Variants in NLGN1 observed in about 807,000 individuals in gnomAD.
The protein encoded by NLGN1 is neuroligin 1.
In NLGN1, 12 loss-of-function variants were observed where a neutral mutation model predicts 65.5. That is an observed-to-expected ratio of 0.18 (90% CI 0.12 to 0.30). The LOEUF (loss-of-function observed/expected upper bound fraction) is 0.30. NLGN1 is among the 10% of genes least tolerant of loss of function. The probability of loss-of-function intolerance (pLI) is 1.00; values close to 1 mark genes in which losing one functional copy is unlikely to be tolerated. For synonymous variants in NLGN1, 350 were observed against 359.5 expected (o/e 0.97, Z 0.30); for missense variants, 750 against 1,007.1 (o/e 0.74, Z 3.46).
intron 3 of NLGN1, among the ~76,000 whole-genome samples, chr3:173,657,894 A>G (rs1241008204): frequency 4.6e-5 from 7 of 151,772 alleles, no homozygotes. Context: ...TTTTTTTCAT[A>G]TAAAATCTGA....
chr3:173,461,852 A>G (rs1723454082), intron 2 of NLGN1, among the ~76,000 whole-genome samples: 1 of 152,066 alleles, frequency 6.6e-6, no homozygotes, highest in South Asian at 2.1e-4. Context: ...ATGTCTTACT[A>G]CTTAGTAGCT....
rs528247184 is a variant in NLGN1 at position 174,091,560 on chromosome 3, G to T, written c.647-183755G>T. 3.9e-5 allele frequency among the ~76,000 whole-genome samples: 6 copies of T among 152,280 alleles called. No homozygotes were observed. In the South Asian group the frequency reaches 1.0e-3, roughly 26 times the overall value. On this transcript the variant is annotated intron_variant, in intron 4 of 6. Transcript: ENST00000457714. ...TCATTCACAACAAATTAACGAAGAG[G>T]TCATGCTGCAGCTACCATGATTTTT... is the stretch of plus-strand genomic sequence containing the variant.
chr3:173,542,995 G>A (rs551538699), intron 2 of NLGN1, among the ~76,000 whole-genome samples: 102 of 152,162 alleles, frequency 6.7e-4, no homozygotes, highest in Admixed American at 2.2e-3. Context: ...TTATTTCACA[G>A]TAGGTGGTGT....
At chr3:173,868,765 A>G (rs1053255528) in intron 4 of NLGN1, among the ~76,000 whole-genome samples, 1 of 152,166 alleles carries the variant, frequency 6.6e-6, no homozygotes, top group African/African-American at 2.4e-5. Flanking sequence ...TCAGTAGGTC[A>G]TAGGATGCAA....
At chr3:174,224,666 G>A (rs1335149544) in intron 4 of NLGN1, among the ~76,000 whole-genome samples, 2 of 152,034 alleles carry the variant, frequency 1.3e-5, no homozygotes, top group Non-Finnish European at 2.9e-5. Flanking sequence ...GCCATTGCAC[G>A]CCAGCCTGGG....
intron 4 of NLGN1, among the ~76,000 whole-genome samples, chr3:174,036,952 A>G (rs1731269558): frequency 2.0e-5 from 3 of 152,158 alleles, no homozygotes; most frequent in Admixed American, 1.3e-4. Flanking sequence ...TTATGTCTGC[A>G]TAGTATTCTA....
chr3:173,668,619 CTTTTTTT>C (rs34649854), intron 3 of NLGN1, among the ~76,000 whole-genome samples: 1 of 132,748 alleles, frequency 7.5e-6, no homozygotes, highest in African/African-American at 2.8e-5. Context: ...CTTTTCTTTT[CTTTTTTT>C]TTTTTTTTTT....
intron 2 of NLGN1, among the ~76,000 whole-genome samples, chr3:173,581,241 T>C (rs2149362896): frequency 6.6e-6 from 1 of 152,166 alleles, no homozygotes; most frequent in African/African-American, 2.4e-5. Flanking sequence ...TTTCTAATAT[T>C]TGGTATCTCT....
chr3:173,667,363 A>G (rs778308106), intron 3 of NLGN1, among the ~76,000 whole-genome samples: 6 of 152,110 alleles, frequency 3.9e-5, no homozygotes, highest in Non-Finnish European at 7.4e-5. Context: ...CTTTTTTAAA[A>G]CATTTTTTAA....
intron 4 of NLGN1, among the ~76,000 whole-genome samples, chr3:173,932,250 C>T (rs1013143412): frequency 6.6e-6 from 1 of 151,978 alleles, no homozygotes; most frequent in Non-Finnish European, 1.5e-5. Context: ...AAAAATGGTA[C>T]TGTTTCAAAT....
At chr3:173,596,281 A>T (rs1271755667) in intron 2 of NLGN1, among the ~76,000 whole-genome samples, 1 of 152,172 alleles carries the variant, frequency 6.6e-6, no homozygotes, top group Non-Finnish European at 1.5e-5. Context: ...CTGCAGAGAA[A>T]TGGGGAATAT....
At chr3:173,710,819 C>T (rs1335629355) in intron 3 of NLGN1, among the ~76,000 whole-genome samples, 2 of 152,092 alleles carry the variant, frequency 1.3e-5, no homozygotes, top group African/African-American at 2.4e-5. Flanking sequence ...AGTCAAGTAC[C>T]ATGCGAGAGT....
chr3:173,987,707 G>C (rs1720248643), intron 4 of NLGN1, among the ~76,000 whole-genome samples: 2 of 152,120 alleles, frequency 1.3e-5, no homozygotes, highest in African/African-American at 2.4e-5. Flanking sequence ...CTGTGCAAAG[G>C]CAATGCCTAA....
At chr3:173,877,080 G>A (rs771270896) in intron 4 of NLGN1, among the ~76,000 whole-genome samples, 8 of 152,066 alleles carry the variant, frequency 5.3e-5, no homozygotes, top group East Asian at 1.9e-4. Context: ...ACAAATAACC[G>A]TACAATGTTG....
intron 3 of NLGN1, among the ~76,000 whole-genome samples, chr3:173,749,938 T>G (rs1776085974): frequency 6.6e-6 from 1 of 152,098 alleles, no homozygotes; most frequent in Non-Finnish European, 1.5e-5. Flanking sequence ...TACTTTTCAC[T>G]TATTCACTCT....
intron 3 of NLGN1, among the ~76,000 whole-genome samples, chr3:173,728,205 A>G (rs1297572933): frequency 6.6e-6 from 1 of 152,140 alleles, no homozygotes; most frequent in African/African-American, 2.4e-5. Context: ...TGTGTAGTAG[A>G]GAAAAATGAC....
rs545354621 is a variant in NLGN1, at chr3:173,617,857, A to G, written c.493+12766A>G. ...CTTCATTTTTCCTTTCCCACCTTCT[A>G]TTTTAATCTTTTTCTTCTTATTCAA... is the stretch of plus-strand genomic sequence containing the variant. On this transcript the variant is annotated intron_variant, in intron 3 of 6. Transcript: ENST00000457714. 2.2e-4 allele frequency among the ~76,000 whole-genome samples: 34 copies of G among 152,174 alleles called. 1 individual carries two copies. The South Asian group carries it at 7.1e-3, about 32-fold the overall frequency.
Position 173,918,660 on chromosome 3 carries a change from ATGTGTGTGTGTGTGTGTG to A in NLGN1, c.646+110854_646+110871del, listed in dbSNP as rs71162369. On this transcript the variant is annotated intron_variant, in intron 4 of 6. Transcript: ENST00000457714. ...AAAAAAAAAAAAAAAAGAAATACATATGTGTGTGTGTGTGTGTGTGTGTGTGTGTGTGTGTGTGTGTGT... is the reference window on the plus strand; with the variant it reads ...AAAAAAAAAAAAAAAAGAAATACATATGTGTGTGTGTGTGTGTGTGTGTGT... 1.4e-4 allele frequency among the ~76,000 whole-genome samples: 16 copies of A among 111,810 alleles called. No individual in the cohort carries two copies. The East Asian group carries it at 1.6e-3, about 11-fold the overall frequency. 73.4% of individuals were successfully genotyped at this position (111,810 alleles called of 152,430 possible).
intron 1 of NLGN1, among the ~76,000 whole-genome samples, chr3:173,400,777 C>T (rs567246233): frequency 1.8e-4 from 27 of 152,170 alleles, no homozygotes; most frequent in Middle Eastern, 3.4e-3. Context: ...TCATGTCATT[C>T]GGAAATGATA....
Sources: gnomAD v4.1 joint callset for allele counts (sites outside exome capture counted in the v4.1 genomes callset) on GRCh38, gnomAD v4.1.1 for gene constraint, MANE v1.5 for transcripts, NCBI Gene and HGNC (gene_info 2026-07-23, HGNC 2026-07-21) for gene names.